The following RREB1 variants were observed in gnomAD, a reference collection of about 807,000 sequenced individuals.
The protein encoded by RREB1 is ras-responsive element-binding protein 1.
In RREB1, 27 loss-of-function variants were observed where a neutral mutation model predicts 117.8. The ratio of observed to expected loss-of-function variants is 0.23; its 90% CI spans 0.17 to 0.32. RREB1 has a LOEUF of 0.32. Among genes scored for constraint, RREB1 ranks in the 10% least tolerant of loss-of-function variants. The probability of loss-of-function intolerance (pLI) is 1.00; values close to 1 mark genes in which losing one functional copy is unlikely to be tolerated. For missense variants in RREB1, 2,577 were observed against 2,378.2 expected, an observed-to-expected ratio of 1.08 and a Z score of -1.74; for synonymous variants, 1,298 against 1,026.7, an observed-to-expected ratio of 1.26 and a Z score of -5.05.
At chr6:7,114,608 C>G (rs974999236) in intron 1 of RREB1, among the ~76,000 whole-genome samples, 2 of 152,072 alleles carry the variant, frequency 1.3e-5, no homozygotes, top group Non-Finnish European at 2.9e-5. Flanking sequence ...TTGAAAGGTA[C>G]AGTAGTCGTG....
At chr6:7,120,778 C>G (rs1275680902) in intron 1 of RREB1, among the ~76,000 whole-genome samples, 1 of 148,552 alleles carries the variant, frequency 6.7e-6, no homozygotes, top group Non-Finnish European at 1.5e-5. Context: ...TCTTGAGTAG[C>G]TGGGGCTACA....
At chr6:7,187,726 G>A (rs1765161652) in intron 5 of RREB1, 2 of 281,324 alleles carry the variant, frequency 7.1e-6, no homozygotes, top group Non-Finnish European at 6.4e-6. Flanking sequence ...TAAGCACAGG[G>A]CAGGGTAATT....
intron 11 of RREB1, among the ~76,000 whole-genome samples, chr6:7,245,930 C>T (rs1013183581): frequency 6.6e-6 from 1 of 152,196 alleles, no homozygotes; most frequent in Non-Finnish European, 1.5e-5. Flanking sequence ...GGCTTGGGGT[C>T]GTTTCCTGTG....
intron 8 of RREB1, among the ~76,000 whole-genome samples, chr6:7,226,087 A>G (rs1056781642): frequency 6.6e-6 from 1 of 152,232 alleles, no homozygotes; most frequent in African/African-American, 2.4e-5. Context: ...ATTAGAATCC[A>G]GTGAACTCAG....
intron 8 of RREB1, among the ~76,000 whole-genome samples, chr6:7,222,479 G>A (rs556011246): frequency 6.6e-6 from 1 of 152,238 alleles, no homozygotes; most frequent in East Asian, 1.9e-4. Context: ...ACCACCCACT[G>A]TTCCACAGCT....
At chr6:7,120,704 C>A (rs927329292) in intron 1 of RREB1, among the ~76,000 whole-genome samples, 1 of 150,720 alleles carries the variant, frequency 6.6e-6, no homozygotes, top group African/African-American at 2.4e-5. Flanking sequence ...CAAGGCCTCG[C>A]TCTGTCAACA....
intron 6 of RREB1, 107 bp from the exon 7 acceptor site, chr6:7,210,697 T>C: frequency 1.0e-6 from 1 of 955,146 alleles, no homozygotes; most frequent in Non-Finnish European, 1.5e-6. Flanking sequence ...CTCATATCTC[T>C]TAACTAAAGA....
intron 1 of RREB1, among the ~76,000 whole-genome samples, chr6:7,132,177 C>T (rs554521310): frequency 4.1e-4 from 62 of 152,274 alleles, no homozygotes; most frequent in African/African-American, 1.4e-3. Context: ...GCCTTAGCCT[C>T]CGAAGTAGCT....
At chr6:7,217,293 G>A (rs894063251) in intron 8 of RREB1, 2 of 152,214 alleles carry the variant, frequency 1.3e-5, no homozygotes, top group Admixed American at 1.3e-4. Context: ...TCCCTTTTGA[G>A]AAGGAATGCC....
intron 1 of RREB1, among the ~76,000 whole-genome samples, chr6:7,167,699 G>A (rs1437287632): frequency 9.2e-5 from 14 of 152,234 alleles, no homozygotes; most frequent in Admixed American, 9.2e-4. Context: ...CAATCCAATA[G>A]GGGAAGCAGA....
At chr6:7,200,212 G>A (rs1198799304) in intron 6 of RREB1, among the ~76,000 whole-genome samples, 3 of 148,336 alleles carry the variant, frequency 2.0e-5, no homozygotes, top group African/African-American at 5.0e-5. Context: ...ATGTATGTAT[G>A]TGTGTGTATA....
At chr6:7,141,874 G>A (rs1217808557) in intron 1 of RREB1, among the ~76,000 whole-genome samples, 1 of 152,222 alleles carries the variant, frequency 6.6e-6, no homozygotes, top group East Asian at 1.9e-4. Flanking sequence ...TCCGCAGAGG[G>A]CTGGATAATT....
At chr6:7,224,965 C>T (rs756680846) in intron 8 of RREB1, among the ~76,000 whole-genome samples, 3 of 152,106 alleles carry the variant, frequency 2.0e-5, no homozygotes, top group Non-Finnish European at 2.9e-5. Flanking sequence ...GGAGCATGCA[C>T]AGCAGGACCG....
At chr6:7,194,858 A>C (rs1159949048) in intron 6 of RREB1, among the ~76,000 whole-genome samples, 4 of 152,188 alleles carry the variant, frequency 2.6e-5, no homozygotes, top group Non-Finnish European at 4.4e-5. Context: ...CCGTAATGAC[A>C]ATCTAAGGAA....
Position 7,187,566 on chromosome 6 carries a change from T to C in RREB1, c.261+43T>C, listed in dbSNP as rs1041787575. 8 of 861,412 alleles carry C rather than the reference T, an allele frequency of 9.3e-6. No homozygotes were observed. The African/African-American group carries it at 1.4e-4, about 15-fold the overall frequency. 53.4% of individuals were successfully genotyped at this position (861,412 alleles called of 1,614,324 possible). A position where few individuals can be genotyped will look rare whatever the true frequency, so the allele number is the denominator to read the frequency against. The stretch of plus-strand genomic sequence containing the variant: ...TTTTATTTTATTTTATTTTATTTTA[T>C]TTTATTTTATTTTATTTTATTTTAG... On this transcript the variant is annotated intron_variant, in intron 5 of 12. Coordinates refer to ENST00000379938, the MANE Select transcript of RREB1 (RefSeq NM_001003699.4).
chr6:7,223,775 A>C (rs1767424934), intron 8 of RREB1, among the ~76,000 whole-genome samples: 1 of 152,224 alleles, frequency 6.6e-6, no homozygotes, highest in African/African-American at 2.4e-5. Context: ...GCACATACGA[A>C]AACTTTTTTA....
At chr6:7,209,704 G>A (rs533646552) in intron 6 of RREB1, among the ~76,000 whole-genome samples, 7 of 151,932 alleles carry the variant, frequency 4.6e-5, no homozygotes, top group East Asian at 1.9e-4. Context: ...CAGCCTGGGC[G>A]ACAGAGCAAG....
chr6:7,239,374 G>C (rs530421801), intron 10 of RREB1, among the ~76,000 whole-genome samples: 1 of 152,186 alleles, frequency 6.6e-6, no homozygotes, highest in African/African-American at 2.4e-5. Context: ...ACCAACTTCC[G>C]CCTCCTGAAG....
Position 7,246,428 on chromosome 6 carries a change from T to A in RREB1, c.3978T>A (p.Ser1326Arg), listed in dbSNP as rs751448257. The part of the protein sequence containing the change: ...SDVGSHDSTD[S>R]QSDAETAAAA... ...CCCGCTGTGCTTGCCCCACAGACAG[T>A]CAGTCGGATGCGGAGACTGCAGCCG... Residue 1326 changes from serine (S) to arginine (R), a missense_variant, in exon 12 of 13, where the codon AGT (serine) becomes AGA (arginine). Transcript: ENST00000379938. 165 of 1,480,640 alleles carry A rather than the reference T, an allele frequency of 1.1e-4. No homozygotes were observed. The highest frequency in any genetic ancestry group is 4.7e-4 in the South Asian group (35 of 74,656). 91.7% of individuals were successfully genotyped at this position (1,480,640 alleles called of 1,614,324 possible).
Sources: gnomAD v4.1 joint callset for allele counts (sites outside exome capture counted in the v4.1 genomes callset) on GRCh38, gnomAD v4.1.1 for gene constraint, MANE v1.5 for transcripts, NCBI Gene and HGNC (gene_info 2026-07-23, HGNC 2026-07-21) for gene names.